NTM: variants seen among roughly 807,000 people sequenced by gnomAD.
The protein encoded by NTM is IgLON family member 2.
A neutral mutation model predicts 42.1 loss-of-function variants in NTM; 13 were observed. The ratio of observed to expected loss-of-function variants is 0.31; its 90% CI spans 0.20 to 0.49. The LOEUF (loss-of-function observed/expected upper bound fraction) is 0.49, where lower values mean the gene tolerates loss of function less well. NTM is among the 20% of genes least tolerant of loss of function. The pLI, the probability that NTM is intolerant of heterozygous loss-of-function variation, is 0.99. For missense variants in NTM, 373 were observed against 452.8 expected, an observed-to-expected ratio of 0.82 and a Z score of 1.60; for synonymous variants, 187 against 179.2, an observed-to-expected ratio of 1.04 and a Z score of -0.35.
intron 1 of NTM, among the ~76,000 whole-genome samples, chr11:131,489,928 G>T (rs941110549): frequency 6.6e-6 from 1 of 152,180 alleles, no homozygotes; most frequent in Non-Finnish European, 1.5e-5. Flanking sequence ...TTGGCTTATG[G>T]TTCTGCAACA....
intron 1 of NTM, chr11:131,910,878 C>T (rs888081894): frequency 3.8e-5 from 37 of 985,228 alleles, no homozygotes; most frequent in South Asian, 1.9e-4. Context: ...CGCAGGATCC[C>T]GGGCCCGGAT....
intron 1 of NTM, among the ~76,000 whole-genome samples, chr11:131,424,066 T>G (rs1011462997): frequency 6.6e-6 from 1 of 152,206 alleles, no homozygotes; most frequent in Admixed American, 6.5e-5. Context: ...GAAGCTGCCA[T>G]GCAAATAAAC....
intron 3 of NTM, among the ~76,000 whole-genome samples, chr11:132,193,016 A>T (rs1412509502): frequency 6.6e-6 from 1 of 152,186 alleles, no homozygotes; most frequent in African/African-American, 2.4e-5. Context: ...CTTCTTAGAG[A>T]TCTACAAAGA....
chr11:131,938,432 T>A (rs2059456126), intron 2 of NTM, among the ~76,000 whole-genome samples: 1 of 152,168 alleles, frequency 6.6e-6, no homozygotes, highest in South Asian at 2.1e-4. Flanking sequence ...CGGAAGTCAC[T>A]GGGGCTGATC....
chr11:131,517,074 T>G (rs940192606), intron 1 of NTM, among the ~76,000 whole-genome samples: 1 of 152,172 alleles, frequency 6.6e-6, no homozygotes, highest in South Asian at 2.1e-4. Context: ...GGGAAGTCTT[T>G]CCCAGTTTTG....
At chr11:131,501,784 T>C (rs1265423703) in intron 1 of NTM, among the ~76,000 whole-genome samples, 1 of 152,160 alleles carries the variant, frequency 6.6e-6, no homozygotes, top group Non-Finnish European at 1.5e-5. Context: ...CACTGGCGAT[T>C]GCAAGGGTTT....
intron 4 of NTM, among the ~76,000 whole-genome samples, chr11:132,298,825 G>A (rs2140094471): frequency 6.6e-6 from 1 of 152,200 alleles, no homozygotes; most frequent in Middle Eastern, 3.4e-3. Context: ...TATCAAATGA[G>A]TTCTTAATAT....
chr11:131,874,297 A>C (rs1245380093), intron 1 of NTM, among the ~76,000 whole-genome samples: 2 of 151,646 alleles, frequency 1.3e-5, no homozygotes, highest in African/African-American at 4.8e-5. Flanking sequence ...GGCATGTGGC[A>C]TGCTGTGTTT....
intron 1 of NTM, among the ~76,000 whole-genome samples, chr11:131,635,424 C>G (rs1417908399): frequency 6.6e-6 from 1 of 151,956 alleles, no homozygotes; most frequent in African/African-American, 2.4e-5. Flanking sequence ...TTTAACAAAA[C>G]AGTTTTAAAA....
chr11:132,255,181 A>T (rs1271928966), intron 4 of NTM, among the ~76,000 whole-genome samples: 1 of 151,896 alleles, frequency 6.6e-6, no homozygotes, highest in Non-Finnish European at 1.5e-5. Flanking sequence ...GAGCCTGAAC[A>T]TTTTTTTTAT....
intron 1 of NTM, among the ~76,000 whole-genome samples, chr11:131,638,997 C>A (rs1311796017): frequency 6.6e-6 from 1 of 152,156 alleles, no homozygotes; most frequent in Non-Finnish European, 1.5e-5. Flanking sequence ...CTTCATCGGC[C>A]AGCTGCTACT....
intron 1 of NTM, among the ~76,000 whole-genome samples, chr11:131,806,202 C>T (rs1390130898): frequency 6.6e-6 from 1 of 152,150 alleles, no homozygotes; most frequent in Non-Finnish European, 1.5e-5. Context: ...AGTCTAAGTG[C>T]AACATCTTTG....
At chr11:131,688,585 C>T (rs577421780) in intron 1 of NTM, among the ~76,000 whole-genome samples, 12 of 152,336 alleles carry the variant, frequency 7.9e-5, no homozygotes, top group Middle Eastern at 6.8e-3. Context: ...CCTCTGTGCC[C>T]CGGGTTGCTC....
rs113621012 is a variant in NTM at position 131,660,568 on chromosome 11, C to T, written c.83-250996C>T. ...CTGTGAGAAAAGAGGTGAAAAGCGG[C>T]TCCTCATGCCTCGAAACCTTGCTGC... On this transcript the variant is annotated intron_variant, in intron 1 of 8. Coordinates refer to ENST00000683400, the MANE Select transcript of NTM (RefSeq NM_001352005.2). 8.3e-4 allele frequency: 381 copies of T among 457,690 alleles called. 2 individuals carry two copies. The highest frequency in any genetic ancestry group is 7.0e-3 in the African/African-American group (351 of 50,154). The allele number at this position is 457,690 out of a possible 1,614,324, so 28.4% of individuals were successfully genotyped here.
At chr11:131,674,817 A>T (rs2071076322) in intron 1 of NTM, among the ~76,000 whole-genome samples, 1 of 152,072 alleles carries the variant, frequency 6.6e-6, no homozygotes, top group Non-Finnish European at 1.5e-5. Context: ...AGGCACCTAA[A>T]CTCATTGCAG....
At chr11:131,442,367 G>A (rs75272354) in intron 1 of NTM, among the ~76,000 whole-genome samples, 3,184 of 152,286 alleles carry the variant, frequency 0.021, 136 homozygotes, top group African/African-American at 0.074. Context: ...AGCAGCAGCA[G>A]CAGCAGCAAT....
At chr11:132,072,650 C>T (rs1392182376) in intron 2 of NTM, among the ~76,000 whole-genome samples, 1 of 152,148 alleles carries the variant, frequency 6.6e-6, no homozygotes, top group Admixed American at 6.5e-5. Context: ...TCCTTTCAGT[C>T]TCAGATAAAT....
intron 1 of NTM, among the ~76,000 whole-genome samples, chr11:131,495,662 G>C (rs1955263786): frequency 6.6e-6 from 1 of 152,344 alleles, no homozygotes; most frequent in East Asian, 1.9e-4. Context: ...CCTGGAAACA[G>C]GGTTGAGCAG....
At chr11:131,593,953 G>C (rs1565678996) in intron 1 of NTM, among the ~76,000 whole-genome samples, 1 of 152,182 alleles carries the variant, frequency 6.6e-6, no homozygotes, top group East Asian at 1.9e-4. Context: ...CTTTTACATG[G>C]ATTTGTTAGG....
Sources: gnomAD v4.1 joint callset for allele counts (sites outside exome capture counted in the v4.1 genomes callset) on GRCh38, gnomAD v4.1.1 for gene constraint, MANE v1.5 for transcripts, NCBI Gene and HGNC (gene_info 2026-07-23, HGNC 2026-07-21) for gene names.